The following PCDHA4 variants were observed in gnomAD, a reference collection of about 807,000 sequenced individuals.
PCDHA4 encodes protocadherin alpha-4.
PCDHA4 carries 49 observed loss-of-function variants against 61.4 expected under a neutral mutation model. The observed-to-expected ratio is 0.80, with a 90% CI of 0.63 to 1.01. The LOEUF (loss-of-function observed/expected upper bound fraction) is 1.01. Ranked by LOEUF, PCDHA4 falls within the 50% of genes least tolerant of loss-of-function variation. The pLI, the probability that PCDHA4 is intolerant of heterozygous loss-of-function variation, is 0.00. For missense variants in PCDHA4, 1,254 were observed against 1,235.8 expected, an observed-to-expected ratio of 1.01 and a Z score of -0.22; for synonymous variants, 590 against 550.3, an observed-to-expected ratio of 1.07 and a Z score of -1.01.
intron 1 of PCDHA4, among the ~76,000 whole-genome samples, chr5:140,918,314 A>G (rs2078635890): frequency 1.3e-5 from 2 of 152,138 alleles, no homozygotes; most frequent in Admixed American, 1.3e-4. Context: ...TTTTCTAGGT[A>G]TAAAATTATA....
rs150956127 is a variant in PCDHA4 at position 140,830,448 on chromosome 5, C to T, written c.2385+20876C>T. The T allele has an allele frequency of 8.1e-3, 12,933 of 1,600,458 alleles. 78 individuals are homozygous for T. The highest frequency in any genetic ancestry group is 9.4e-3 in the Non-Finnish European group (10,993 of 1,171,708). The stretch of plus-strand genomic sequence containing the variant: ...CCTTGTCCTATTATGATGGGTAAGG[C>T]GGAGAATCAGGATTTAAATGAAGAT... On this transcript the variant is annotated intron_variant, in intron 1 of 3. Transcript: ENST00000530339.
intron 1 of PCDHA4, among the ~76,000 whole-genome samples, chr5:140,965,098 A>G (rs1554227430): frequency 6.6e-6 from 1 of 152,244 alleles, no homozygotes; most frequent in African/African-American, 2.4e-5. Flanking sequence ...GTCCATAGCT[A>G]GAAAATGACC....
At chr5:140,826,381 T>A (rs1768927089) in intron 1 of PCDHA4, among the ~76,000 whole-genome samples, 1 of 152,186 alleles carries the variant, frequency 6.6e-6, no homozygotes, top group Non-Finnish European at 1.5e-5. Flanking sequence ...AAGTCAGTGA[T>A]AAGAACTACT....
chr5:140,839,000 A>G (rs190109951), intron 1 of PCDHA4, among the ~76,000 whole-genome samples: 4 of 152,212 alleles, frequency 2.6e-5, no homozygotes, highest in Admixed American at 2.6e-4. Flanking sequence ...ATTCTAATAT[A>G]CTTTAGTAAA....
intron 1 of PCDHA4, chr5:140,836,570 G>C: frequency 1.2e-6 from 2 of 1,613,682 alleles, no homozygotes; most frequent in East Asian, 2.2e-5. Context: ...CGTCCTCTGA[G>C]GGCGCATGTA....
At chr5:140,897,518 T>A (rs2066160092) in intron 1 of PCDHA4, among the ~76,000 whole-genome samples, 2 of 152,260 alleles carry the variant, frequency 1.3e-5, no homozygotes, top group Admixed American at 1.3e-4. Context: ...GGACATGAAC[T>A]CATCATTTTT....
At chr5:140,928,076 A>G (rs2084914697) in intron 1 of PCDHA4, 1 of 1,614,142 alleles carries the variant, frequency 6.2e-7, no homozygotes. Context: ...GACAACTACT[A>G]CAGCCTGCTG....
At chr5:140,987,515 T>TA (rs2097257557) in intron 3 of PCDHA4, among the ~76,000 whole-genome samples, 1 of 152,160 alleles carries the variant, frequency 6.6e-6, no homozygotes, top group African/African-American at 2.4e-5. Flanking sequence ...TGCCACTCAG[T>TA]AATTGTATGT....
intron 1 of PCDHA4, among the ~76,000 whole-genome samples, chr5:140,952,645 G>A (rs1396823510): frequency 6.6e-6 from 1 of 152,082 alleles, no homozygotes; most frequent in Non-Finnish European, 1.5e-5. Context: ...ACCTGTGCCT[G>A]GTTACCCAGT....
rs745800805 is a variant in PCDHA4, at chr5:140,935,890, T to C, written c.2386-43059T>C. 2.5e-4 allele frequency among the ~76,000 whole-genome samples: 34 copies of C among 135,750 alleles called. 1 individual carries two copies. Among genetic ancestry groups the C allele is most frequent in the Non-Finnish European group, 4.4e-4 (27 of 61,954 alleles). 89.1% of individuals were successfully genotyped at this position (135,750 alleles called of 152,430 possible). A position where few individuals can be genotyped will look rare whatever the true frequency, so the allele number is the denominator to read the frequency against. On this transcript the variant is annotated intron_variant, in intron 1 of 3. Coordinates refer to ENST00000530339, the MANE Select transcript of PCDHA4 (RefSeq NM_018907.4). ...ATTAATGAGCTCCAATTTATCAATA[T>C]TATCTTTTTTTTTTTTTTTTGAGAC...
At chr5:140,850,588 T>A in intron 1 of PCDHA4, 1 of 1,598,352 alleles carries the variant, frequency 6.3e-7, no homozygotes, top group South Asian at 1.1e-5. Flanking sequence ...GATGTCAACG[T>A]GTACCTGATC....
intron 1 of PCDHA4, among the ~76,000 whole-genome samples, chr5:140,964,320 T>C (rs782388382): frequency 1.3e-5 from 2 of 152,206 alleles, no homozygotes; most frequent in Non-Finnish European, 2.9e-5. Context: ...TAAAACAGCA[T>C]AATGGACAAC....
At chr5:140,996,296 T>C (rs1252218880) in intron 3 of PCDHA4, among the ~76,000 whole-genome samples, 1 of 152,158 alleles carries the variant, frequency 6.6e-6, no homozygotes, top group African/African-American at 2.4e-5. Context: ...GAAGCACAGA[T>C]TGTAACAAAG....
At chr5:140,957,900 G>A (rs2095395670) in intron 1 of PCDHA4, among the ~76,000 whole-genome samples, 1 of 151,932 alleles carries the variant, frequency 6.6e-6, no homozygotes, top group South Asian at 2.1e-4. Flanking sequence ...CATCAACCAA[G>A]GCATATTGTT....
At chr5:140,945,190 G>A (rs1372387920) in intron 1 of PCDHA4, among the ~76,000 whole-genome samples, 1 of 152,000 alleles carries the variant, frequency 6.6e-6, no homozygotes, top group Non-Finnish European at 1.5e-5. Flanking sequence ...AGAAAACCAT[G>A]CTATTTACAA....
Position 140,828,892 on chromosome 5 carries a change from T to C in PCDHA4, c.2385+19320T>C, listed in dbSNP as rs2150160259. ...CAACAGTTATCAGACTGAATGCTTC[T>C]GATCGGGATGAAGGAGCGAATGGGG... is the stretch of plus-strand genomic sequence containing the variant. On this transcript the variant is annotated intron_variant, in intron 1 of 3. Coordinates refer to ENST00000530339, the MANE Select transcript of PCDHA4 (RefSeq NM_018907.4). The C allele has an allele frequency of 1.9e-6, 3 of 1,614,124 alleles. No homozygotes were observed. In the South Asian group the frequency reaches 3.3e-5, roughly 18 times the overall value.
chr5:140,915,785 A>T (rs188846929), intron 1 of PCDHA4, among the ~76,000 whole-genome samples: 14 of 152,134 alleles, frequency 9.2e-5, no homozygotes, highest in Admixed American at 7.2e-4. Flanking sequence ...TGCTGTAACC[A>T]CTACCTGACT....
intron 1 of PCDHA4, chr5:140,928,453 T>G (rs528077853): frequency 1.9e-6 from 3 of 1,613,888 alleles, no homozygotes; most frequent in African/African-American, 2.7e-5. Flanking sequence ...GCTCAGGGGG[T>G]TTCATTTCCA....
chr5:140,874,772 T>C (rs2055099588), intron 1 of PCDHA4, among the ~76,000 whole-genome samples: 1 of 152,270 alleles, frequency 6.6e-6, no homozygotes, highest in South Asian at 2.1e-4. Flanking sequence ...TCCATATTTA[T>C]GATGAATTCT....
Sources: allele counts gnomAD v4.1 joint callset (sites outside exome capture counted in the v4.1 genomes callset), GRCh38; gene constraint gnomAD v4.1.1; transcripts MANE v1.5; gene names NCBI Gene and HGNC (gene_info 2026-07-23, HGNC 2026-07-21).